Variants in MTOR observed in about 807,000 individuals in gnomAD.
MTOR encodes the protein mechanistic target of rapamycin kinase.
In MTOR, 70 loss-of-function variants were observed where a neutral mutation model predicts 319.8. The observed-to-expected ratio is 0.22, with a 90% confidence interval of 0.18 to 0.27. The LOEUF is 0.27. Ranked by LOEUF, MTOR falls within the 10% of genes least tolerant of loss-of-function variation. The pLI, the probability that MTOR is intolerant of heterozygous loss-of-function variation, is 1.00. For synonymous variants in MTOR, 1,183 were observed against 1,211.4 expected, an observed-to-expected ratio of 0.98 and a Z score of 0.49; for missense variants, 1,890 against 3,274.4, an observed-to-expected ratio of 0.58 and a Z score of 10.32.
intron 18 of MTOR, among the ~76,000 whole-genome samples, 160 bp downstream of exon 18, chr1:11,230,765 G>A (rs915748790): frequency 2.0e-5 from 3 of 152,172 alleles, no homozygotes; most frequent in African/African-American, 4.8e-5. Flanking sequence ...CAACCCTTCC[G>A]GGATTCAAGA....
intron 17 of MTOR, 63 bp downstream of exon 17, chr1:11,231,237 C>A: frequency 6.2e-7 from 1 of 1,605,846 alleles, no homozygotes; most frequent in Non-Finnish European, 8.5e-7. Context: ...AATGCTGCAA[C>A]CATCTCTCTC....
At chr1:11,139,115 C>G in intron 36 of MTOR, 189 bp downstream of exon 36, 1 of 691,732 alleles carries the variant, frequency 1.4e-6, no homozygotes, top group Non-Finnish European at 2.4e-6. Context: ...GGTATACACA[C>G]CATCTCCTCA....
Position 11,194,665 on chromosome 1 carries a change from A to G in MTOR, c.4253+4593T>C, listed in dbSNP as rs199596424. 1,266 of 1,614,030 alleles carry G rather than the reference A, an allele frequency of 7.8e-4. No homozygotes were observed. The highest frequency in any genetic ancestry group is 9.4e-4 in the Non-Finnish European group (1,107 of 1,180,022). On this transcript the variant is annotated intron_variant, in intron 28 of 57. Coordinates refer to ENST00000361445, the MANE Select transcript of MTOR (RefSeq NM_004958.4). The stretch of plus-strand genomic sequence containing the variant: ...GTGTGCACAGCTCCGCAAAGGTGAG[A>G]TTTGGGGGGACCGGAAAGGAGAAGT...
intron 47 of MTOR, among the ~76,000 whole-genome samples, chr1:11,122,439 G>T (rs1224104089): frequency 6.6e-6 from 1 of 150,612 alleles, no homozygotes; most frequent in East Asian, 2.0e-4. Context: ...TTGACCTCAT[G>T]ATCCGCCTGC....
At chr1:11,221,770 G>A (rs982860075) in intron 19 of MTOR, among the ~76,000 whole-genome samples, 2 of 147,894 alleles carry the variant, frequency 1.4e-5, no homozygotes, top group Non-Finnish European at 3.0e-5. Context: ...TATATAGAGA[G>A]CTCTGTTTCT....
chr1:11,189,095 G>C (rs971765889), intron 28 of MTOR, among the ~76,000 whole-genome samples: 10 of 152,134 alleles, frequency 6.6e-5, no homozygotes, highest in African/African-American at 2.4e-4. Flanking sequence ...TGGCTGGCAG[G>C]GGCATAATCT....
chr1:11,130,987 A>G (rs964884949), intron 38 of MTOR: 3 of 634,828 alleles, frequency 4.7e-6, no homozygotes, highest in East Asian at 5.6e-5. Context: ...ATAACGTACT[A>G]TGAGTGCACT....
At chr1:11,114,550 A>G (rs2100319286) in intron 52 of MTOR, 97 bp from the exon 53 acceptor site, 1 of 1,529,028 alleles carries the variant, frequency 6.5e-7, no homozygotes, top group South Asian at 1.2e-5. Context: ...AAGCAGACAC[A>G]GGCCATGTTG....
chr1:11,182,347 C>T (rs972527963), intron 28 of MTOR, among the ~76,000 whole-genome samples: 3 of 152,100 alleles, frequency 2.0e-5, no homozygotes, highest in African/African-American at 7.2e-5. Flanking sequence ...TCAGCAAATA[C>T]TTTTATGACG....
intron 28 of MTOR, among the ~76,000 whole-genome samples, chr1:11,182,173 C>A (rs193151021): frequency 2.4e-4 from 36 of 151,522 alleles, no homozygotes; most frequent in African/African-American, 8.7e-4. Flanking sequence ...GCTGAGATTG[C>A]GCCACTGCGC....
intron 28 of MTOR, among the ~76,000 whole-genome samples, chr1:11,169,530 G>A (rs1360458477): frequency 2.0e-5 from 3 of 152,172 alleles, no homozygotes; most frequent in African/African-American, 4.8e-5. Context: ...ACATGCTGAC[G>A]TGATAACAAG....
chr1:11,148,918 G>GTC (rs1644041118), intron 31 of MTOR, among the ~76,000 whole-genome samples: 1 of 113,282 alleles, frequency 8.8e-6, no homozygotes. Flanking sequence ...AATTATGTGT[G>GTC]TGTGTGTGTG....
Position 11,231,197 on chromosome 1 carries a change from G to T in MTOR, c.2649+103C>A, listed in dbSNP as rs554294853. ...CATGAACAAAATTGGAGAGGGACAG[G>T]AAGTCTGACTGACACTGTCAGAGCA... On this transcript the variant is annotated intron_variant, in intron 17 of 57. Coordinates refer to ENST00000361445, the MANE Select transcript of MTOR (RefSeq NM_004958.4). The T allele has an allele frequency of 1.9e-6, 3 of 1,582,382 alleles. No individual in the cohort carries two copies. In the African/African-American group the frequency reaches 4.0e-5, roughly 21 times the overall value.
chr1:11,231,206 C>G, intron 17 of MTOR, 94 bp downstream of exon 17: 1 of 1,587,856 alleles, frequency 6.3e-7, no homozygotes, highest in Non-Finnish European at 8.6e-7. Context: ...GGAAGTCTGA[C>G]TGACACTGTC....
rs2100975352 is a variant in MTOR, at chr1:11,256,154, G to A, written c.543C>T (p.Thr181=). 2 of 1,614,156 alleles carry A rather than the reference G, an allele frequency of 1.2e-6. No homozygotes were observed. Among genetic ancestry groups the A allele is most frequent in the South Asian group, 2.2e-5 (2 of 91,076 alleles). ...VLRELAISVP[T]FFFQQVQPFF... ...AGGGTTGCACTTGCTGGAAGAAGAA[G>A]GTAGGGACGCTGATGGCCAGCTCAC... The change falls in exon 5 of 58, where the codon ACC becomes ACT. Residue 181 remains threonine (T), a synonymous_variant. Transcript: ENST00000361445.
chr1:11,111,483 G>GAAAA (rs34258245), intron 54 of MTOR: 9 of 137,272 alleles, frequency 6.6e-5, no homozygotes, highest in Admixed American at 7.7e-5. Context: ...TCTGTCTCAA[G>GAAAA]AAAAAAAAAA....
At chr1:11,230,151 T>C (rs994722636) in intron 18 of MTOR, among the ~76,000 whole-genome samples, 1 of 149,910 alleles carries the variant, frequency 6.7e-6, no homozygotes, top group Non-Finnish European at 1.5e-5. Flanking sequence ...CCAGGCACAG[T>C]GGCTCATGCC....
chr1:11,182,435 CTA>C (rs2100671658), intron 28 of MTOR, among the ~76,000 whole-genome samples: 1 of 152,286 alleles, frequency 6.6e-6, no homozygotes, highest in South Asian at 2.1e-4. Flanking sequence ...TAGACGTTGA[CTA>C]TGTGTCAGAT....
intron 38 of MTOR, 151 bp from the exon 39 acceptor site, chr1:11,130,928 G>T: frequency 9.9e-7 from 1 of 1,006,224 alleles, no homozygotes; most frequent in Non-Finnish European, 1.4e-6. Context: ...AGAAATGGCT[G>T]TTTTACTAAA....
Sources: allele counts gnomAD v4.1 joint callset (sites outside exome capture counted in the v4.1 genomes callset), GRCh38; gene constraint gnomAD v4.1.1; transcripts MANE v1.5; gene names NCBI Gene and HGNC (gene_info 2026-07-23, HGNC 2026-07-21).